CCR2: variants seen among roughly 807,000 people sequenced by gnomAD.
CCR2 encodes C-C motif chemokine receptor 2, also known as C-C chemokine receptor type 2.
For synonymous variants in CCR2, 183 were observed against 177.1 expected (o/e 1.03, Z -0.27); for missense variants, 408 against 440.0 (o/e 0.93, Z 0.65).
intron 1 of CCR2, 26 bp from the exon 2 acceptor site, chr3:46,357,451 G>T: frequency 6.8e-7 from 1 of 1,469,416 alleles, no homozygotes; most frequent in Non-Finnish European, 9.4e-7. Context: ...GTGTTGTGTG[G>T]TCATCATTTT....
Position 46,357,986 on chromosome 3 carries a change from G to C in CCR2, c.459G>C (p.Thr153=). The change falls in exon 2 of 2, where the codon ACG becomes ACC. Residue 153 remains threonine (T), a synonymous_variant. Coordinates refer to ENST00000445132, the MANE Select transcript of CCR2 (RefSeq NM_001123396.4). The part of the protein sequence containing the change: ...VHAVFALKAR[T]VTFGVVTSVI... ...CTGTGTTTGCTTTAAAAGCCAGGAC[G>C]GTCACCTTTGGGGTGGTGACAAGTG... is the stretch of plus-strand genomic sequence containing the variant. The C allele has an allele frequency of 6.2e-7, 1 of 1,614,134 alleles. No homozygotes were observed. Among genetic ancestry groups the C allele is most frequent in the Non-Finnish European group, 8.5e-7 (1 of 1,179,998 alleles).
rs760197238 is a variant in CCR2, at chr3:46,358,618, A to G, written c.*8A>G. On this transcript the variant is annotated 3_prime_UTR_variant, in exon 2 of 2. Transcript: ENST00000445132. ...GTCTCGGCTGGTTTATAAAACGAGG[A>G]GCAGTTTGATTGTTGTTTATAAAGG... 1.3e-6 allele frequency: 2 copies of G among 1,559,178 alleles called. No individual in the cohort carries two copies. Among genetic ancestry groups the G allele is most frequent in the South Asian group, 2.3e-5 (2 of 85,356 alleles).
chr3:46,357,787 C>G lies in CCR2; in HGVS notation c.260C>G (p.Ser87Cys). The part of the protein sequence containing the change: ...TDIYLLNLAI[S>C]DLLFLITLPL... ...ATTTACCTGCTCAACCTGGCCATCT[C>G]TGATCTGCTTTTTCTTATTACTCTC... is the stretch of plus-strand genomic sequence containing the variant. The change falls in exon 2 of 2, where the codon TCT becomes TGT. Residue 87 changes from serine (S) to cysteine (C), a missense_variant. Transcript: ENST00000445132. The G allele has an allele frequency of 1.2e-6, 2 of 1,614,190 alleles. No individual in the cohort carries two copies. Among genetic ancestry groups the G allele is most frequent in the Non-Finnish European group, 1.7e-6 (2 of 1,180,038 alleles).
At position 46,360,204 on chromosome 3, in the gene CCR2, G is replaced by T; in HGVS notation, c.*1594G>T. On this transcript the variant is annotated 3_prime_UTR_variant, in exon 2 of 2. Transcript: ENST00000445132. ...CTAGCTTTGAGCTTAAGAATTTTGA[G>T]CAGGTGGTATGTTTGGGAGACTGCT... The T allele has an allele frequency of 3.7e-6, 1 of 272,394 alleles. No individual in the cohort carries two copies. Among genetic ancestry groups the T allele is most frequent in the Non-Finnish European group, 7.0e-6 (1 of 142,464 alleles). The allele number at this position is 272,394 out of a possible 1,614,324, so 16.9% of individuals were successfully genotyped here.
Position 46,357,891 on chromosome 3 carries a change from A to C in CCR2, c.364A>C (p.Ile122Leu). Residue 122 changes from isoleucine to leucine, a missense_variant, in exon 2 of 2, where the codon ATC (isoleucine) becomes CTC (leucine). Coordinates refer to ENST00000445132, the MANE Select transcript of CCR2 (RefSeq NM_001123396.4). ...MCKLFTGLYHIGYFGGIFFII... is the reference protein window; with the variant it reads ...MCKLFTGLYHLGYFGGIFFII... The stretch of plus-strand genomic sequence containing the variant: ...CAAATTATTCACAGGGCTGTATCAC[A>C]TCGGTTATTTTGGCGGAATCTTCTT... 1 of 1,614,186 alleles carries C rather than the reference A, an allele frequency of 6.2e-7. No homozygotes were observed. The highest frequency in any genetic ancestry group is 2.2e-5 in the East Asian group (1 of 44,888).
At position 46,359,691 on chromosome 3, in the gene CCR2, C is replaced by A. The variant is rs747406014; in HGVS notation, c.*1081C>A. 1 of 1,612,240 alleles carries A rather than the reference C, an allele frequency of 6.2e-7. No individual in the cohort carries two copies. Among genetic ancestry groups the A allele is most frequent in the Non-Finnish European group, 8.5e-7 (1 of 1,179,506 alleles). The stretch of plus-strand genomic sequence containing the variant: ...TTTCCCCACAGCCTTTTTCACATAG[C>A]TCTTGGCTGTAGGATTGCCCCACTC... On this transcript the variant is annotated 3_prime_UTR_variant, in exon 2 of 2. Transcript: ENST00000445132.
At chr3:46,356,928 A>AT (rs1055295682) in intron 1 of CCR2, among the ~76,000 whole-genome samples, 1 of 152,104 alleles carries the variant, frequency 6.6e-6, no homozygotes, top group Non-Finnish European at 1.5e-5. Flanking sequence ...CAAAAAAAAA[A>AT]AAAAAAGAAG....
chr3:46,354,372 C>T (rs1454713830), intron 1 of CCR2, among the ~76,000 whole-genome samples, 195 bp downstream of exon 1: 2 of 152,132 alleles, frequency 1.3e-5, no homozygotes, highest in African/African-American at 4.8e-5. Flanking sequence ...GGAAGAGCAG[C>T]GTGCAGCAGG....
Position 46,359,311 on chromosome 3 carries a change from T to C in CCR2, c.*701T>C, listed in dbSNP as rs1172551336. 9.8e-7 allele frequency: 1 copy of C among 1,021,600 alleles called. No individual in the cohort carries two copies. The highest frequency in any genetic ancestry group is 1.7e-5 in the African/African-American group (1 of 57,968). The allele number at this position is 1,021,600 out of a possible 1,614,324, so 63.3% of individuals were successfully genotyped here. On this transcript the variant is annotated 3_prime_UTR_variant, in exon 2 of 2. Transcript: ENST00000445132. ...GAAATCTATGAAATATCATGCTCCATTGTTCAGATGCTTCTTAGGCCACAT... is the reference window on the plus strand; with the variant it reads ...GAAATCTATGAAATATCATGCTCCACTGTTCAGATGCTTCTTAGGCCACAT...
At position 46,359,782 on chromosome 3, in the gene CCR2, A is replaced by C. The variant is rs1575274460; in HGVS notation, c.*1172A>C. The C allele has an allele frequency of 6.2e-7, 1 of 1,613,892 alleles. No individual in the cohort carries two copies. ...AGAATGTGAAAGTGACTACACAAGG[A>C]CTCCTCGATGGTCGTGGAAAAGGAA... On this transcript the variant is annotated 3_prime_UTR_variant, in exon 2 of 2. Transcript: ENST00000445132.
chr3:46,358,440 T>C lies in CCR2; in HGVS notation c.913T>C (p.Tyr305His). The C allele has an allele frequency of 6.2e-7, 1 of 1,614,002 alleles. No individual in the cohort carries two copies. Among genetic ancestry groups the C allele is most frequent in the South Asian group, 1.1e-5 (1 of 91,078 alleles). The change falls in exon 2 of 2, where the codon TAT (tyrosine) becomes CAT (histidine). Residue 305 changes from tyrosine to histidine, a missense_variant. Coordinates refer to ENST00000445132, the MANE Select transcript of CCR2 (RefSeq NM_001123396.4). ...MTHCCINPII[Y>H]AFVGEKFRRY... ...TCACTGCTGCATCAATCCCATCATC[T>C]ATGCCTTCGTTGGGGAGAAGTTCAG...
rs1272419160 is a variant in CCR2, at chr3:46,358,304, T to G, written c.777T>G (p.Tyr259Ter). The change falls in exon 2 of 2, where the codon TAT becomes TAG. Residue 259 changes from tyrosine (Y) to a stop codon, truncating the protein, a stop_gained. Coordinates refer to ENST00000445132, the MANE Select transcript of CCR2 (RefSeq NM_001123396.4). LOFTEE classifies it low-confidence loss of function (END_TRUNC). Reference protein sequence around the residue: ...MIVYFLFWTPYNIVILLNTFQ... With the variant: ...MIVYFLFWTP ...TTTACTTTCTCTTCTGGACTCCCTA[T>G]AATATTGTCATTCTCCTGAACACCT... 3 of 1,614,086 alleles carry G rather than the reference T, an allele frequency of 1.9e-6. No homozygotes were observed. Among genetic ancestry groups the G allele is most frequent in the Non-Finnish European group, 1.7e-6 (2 of 1,180,032 alleles).
Position 46,359,565 on chromosome 3 carries a change from G to A in CCR2, c.*955G>A. On this transcript the variant is annotated 3_prime_UTR_variant, in exon 2 of 2. Transcript: ENST00000445132. Reference sequence around the variant, plus strand: ...GAAATCAACTAAGTGGAGAGAGCCAGGAAGGCTGCATCAGAACCCAGTAAA... The same window carrying A: ...GAAATCAACTAAGTGGAGAGAGCCAAGAAGGCTGCATCAGAACCCAGTAAA... 1 of 1,156,128 alleles carries A rather than the reference G, an allele frequency of 8.6e-7. No individual in the cohort carries two copies. Among genetic ancestry groups the A allele is most frequent in the Admixed American group, 2.7e-5 (1 of 37,060 alleles). 71.6% of individuals were successfully genotyped at this position (1,156,128 alleles called of 1,614,324 possible). A position where few individuals can be genotyped will look rare whatever the true frequency, so the allele number is the denominator to read the frequency against.
rs1377688031 is a variant in CCR2, at chr3:46,357,622, G to C, written c.95G>C (p.Cys32Ser). ...TTTGATTATGATTACGGTGCTCCCT[G>C]TCATAAATTTGACGTGAAGCAAATT... is the stretch of plus-strand genomic sequence containing the variant. ...TFFDYDYGAP[C>S]HKFDVKQIGA... Residue 32 changes from cysteine (C) to serine (S), a missense_variant, in exon 2 of 2, where the codon TGT (cysteine) becomes TCT (serine). Cys to Ser is a moderately radical substitution (Grantham distance 112). Coordinates refer to ENST00000445132, the MANE Select transcript of CCR2 (RefSeq NM_001123396.4). The C allele has an allele frequency of 6.2e-7, 1 of 1,614,058 alleles. No individual in the cohort carries two copies. The highest frequency in any genetic ancestry group is 8.5e-7 in the Non-Finnish European group (1 of 1,179,990).
At chr3:46,357,117 T>C (rs1216366361) in intron 1 of CCR2, among the ~76,000 whole-genome samples, 1 of 152,142 alleles carries the variant, frequency 6.6e-6, no homozygotes, top group Non-Finnish European at 1.5e-5. Context: ...GAAGAAGAGC[T>C]TTCTCAGAAG....
rs1423307592 is a variant in CCR2, at chr3:46,357,931, C to T, written c.404C>T (p.Thr135Ile). ...FGGIFFIILL[T>I]IDRYLAIVHA... ...GGAATCTTCTTCATCATCCTCCTGA[C>T]AATCGATAGATACCTGGCTATTGTC... The change falls in exon 2 of 2, where the codon ACA (threonine) becomes ATA (isoleucine). Residue 135 changes from threonine (T) to isoleucine (I), a missense_variant. Thr to Ile is a moderately conservative substitution (Grantham distance 89, BLOSUM62 -1). Coordinates refer to ENST00000445132, the MANE Select transcript of CCR2 (RefSeq NM_001123396.4). 1 of 1,614,084 alleles carries T rather than the reference C, an allele frequency of 6.2e-7. No individual in the cohort carries two copies. Among genetic ancestry groups the T allele is most frequent in the South Asian group, 1.1e-5 (1 of 91,086 alleles).
Position 46,358,988 on chromosome 3 carries a change from G to C in CCR2, c.*378G>C. 9.5e-7 allele frequency: 1 copy of C among 1,054,336 alleles called. No homozygotes were observed. Among genetic ancestry groups the C allele is most frequent in the East Asian group, 8.5e-5 (1 of 11,792 alleles). The allele number at this position is 1,054,336 out of a possible 1,614,324, so 65.3% of individuals were successfully genotyped here. A position where few individuals can be genotyped will look rare whatever the true frequency, so the allele number is the denominator to read the frequency against. On this transcript the variant is annotated 3_prime_UTR_variant, in exon 2 of 2. Coordinates refer to ENST00000445132, the MANE Select transcript of CCR2 (RefSeq NM_001123396.4). ...GAATGTGACAGGCACAGATGAATGGGAGTGAGGGATAGTGGGGTCAGGGCT... is the reference window on the plus strand; with the variant it reads ...GAATGTGACAGGCACAGATGAATGGCAGTGAGGGATAGTGGGGTCAGGGCT...
intron 1 of CCR2, among the ~76,000 whole-genome samples, chr3:46,357,158 T>C (rs528866403): frequency 6.6e-6 from 1 of 152,284 alleles, no homozygotes; most frequent in Non-Finnish European, 1.5e-5. Flanking sequence ...CATATTATGG[T>C]CCAGCAATGA....
In CCR2 at chr3:46,359,127, C is replaced by G. The variant is rs752402950; in HGVS notation, c.*517C>G. The G allele has an allele frequency of 9.9e-7, 1 of 1,006,258 alleles. No individual in the cohort carries two copies. The highest frequency in any genetic ancestry group is 1.2e-6 in the Non-Finnish European group (1 of 833,794). The allele number at this position is 1,006,258 out of a possible 1,614,324, so 62.3% of individuals were successfully genotyped here. A position where few individuals can be genotyped will look rare whatever the true frequency, so the allele number is the denominator to read the frequency against. ...TACTGGTCCTTAGCCCCATCTGCCACGTGTATTTAACCTTGAAGGGTTCAC... is the reference window on the plus strand; with the variant it reads ...TACTGGTCCTTAGCCCCATCTGCCAGGTGTATTTAACCTTGAAGGGTTCAC... On this transcript the variant is annotated 3_prime_UTR_variant, in exon 2 of 2. Transcript: ENST00000445132.
Sources: allele counts gnomAD v4.1 joint callset (sites outside exome capture counted in the v4.1 genomes callset), GRCh38; gene constraint gnomAD v4.1.1; transcripts MANE v1.5; gene names NCBI Gene and HGNC (gene_info 2026-07-23, HGNC 2026-07-21).